The following USP32 variants were observed in gnomAD, a reference collection of about 807,000 sequenced individuals.
USP32 encodes the protein ubiquitin carboxyl-terminal hydrolase 32.
USP32 carries 59 observed loss-of-function variants against 204.8 expected under a neutral mutation model. The observed-to-expected ratio is 0.29, with a 90% CI of 0.23 to 0.36. The LOEUF is 0.36. USP32 is among the 10% of genes least tolerant of loss of function. The pLI, the probability that USP32 is intolerant of heterozygous loss-of-function variation, is 1.00. For synonymous variants in USP32, 517 were observed against 678.4 expected (o/e 0.76, Z 3.70); for missense variants, 1,160 against 1,946.4 (o/e 0.60, Z 7.60).
chr17:60,279,975 A>C (rs2086929934), intron 5 of USP32, among the ~76,000 whole-genome samples: 1 of 151,930 alleles, frequency 6.6e-6, no homozygotes, highest in African/African-American at 2.4e-5. Flanking sequence ...TTTGGGCTAA[A>C]GTTCTGATTC....
intron 26 of USP32, among the ~76,000 whole-genome samples, chr17:60,204,931 G>C (rs1420443776): frequency 6.6e-6 from 1 of 151,004 alleles, no homozygotes; most frequent in Non-Finnish European, 1.5e-5. Context: ...ACACCATCAT[G>C]GCTGCTTAGT....
chr17:60,208,283 A>G (rs2084880592), intron 23 of USP32, 73 bp from the exon 24 acceptor site: 2 of 1,408,922 alleles, frequency 1.4e-6, no homozygotes, highest in Admixed American at 5.4e-5. Flanking sequence ...GTGTACAGAT[A>G]TATCTGACCT....
intron 2 of USP32, among the ~76,000 whole-genome samples, chr17:60,331,174 TCC>T (rs2088373335): frequency 6.6e-6 from 1 of 152,222 alleles, no homozygotes; most frequent in Admixed American, 6.5e-5. Context: ...AGGCTCACTT[TCC>T]TAAATAGTGT....
intron 1 of USP32, among the ~76,000 whole-genome samples, chr17:60,378,997 A>C (rs1371515401): frequency 1.3e-5 from 2 of 152,190 alleles, no homozygotes; most frequent in African/African-American, 4.8e-5. Flanking sequence ...AGCTATGTAC[A>C]TACCTGAGTT....
chr17:60,360,650 G>A (rs1567874210), intron 1 of USP32, among the ~76,000 whole-genome samples: 2 of 151,930 alleles, frequency 1.3e-5, no homozygotes, highest in Non-Finnish European at 2.9e-5. Context: ...ACTCCAGCCT[G>A]GGCAACAGAG....
intron 9 of USP32, among the ~76,000 whole-genome samples, chr17:60,261,474 C>T (rs569784938): frequency 6.6e-6 from 1 of 151,848 alleles, no homozygotes; most frequent in South Asian, 2.1e-4. Flanking sequence ...TGGCAAAACC[C>T]GTCTCTACTA....
intron 9 of USP32, among the ~76,000 whole-genome samples, chr17:60,264,814 CCTGTCAGTGCACTCCAGGCTG>C (rs1319369631): frequency 1.4e-5 from 2 of 144,148 alleles, no homozygotes; most frequent in African/African-American, 5.4e-5. Flanking sequence ...GAGCTGAGAT[CCTGTCAGTGCACTCCAGGCTG>C]GGTGACAGAG....
At chr17:60,221,014 A>G (rs1489702063) in intron 15 of USP32, among the ~76,000 whole-genome samples, 2 of 151,826 alleles carry the variant, frequency 1.3e-5, no homozygotes, top group Admixed American at 1.3e-4. Context: ...ACCAGGCTTT[A>G]TTTTCCTTTA....
chr17:60,232,354 G>A (rs534346313), intron 12 of USP32, among the ~76,000 whole-genome samples: 3 of 150,840 alleles, frequency 2.0e-5, no homozygotes, highest in African/African-American at 7.3e-5. Flanking sequence ...TATATTTTTA[G>A]TAGAGTCGGG....
At chr17:60,411,701 T>G (rs1289900458) in intron 1 of USP32, among the ~76,000 whole-genome samples, 1 of 151,598 alleles carries the variant, frequency 6.6e-6, no homozygotes, top group Non-Finnish European at 1.5e-5. Context: ...TCTCTATGAA[T>G]TTGCCTATTT....
At chr17:60,275,251 G>A (rs1272584576) in intron 5 of USP32, among the ~76,000 whole-genome samples, 1 of 152,170 alleles carries the variant, frequency 6.6e-6, no homozygotes, top group African/African-American at 2.4e-5. Flanking sequence ...GAGGTCAGGA[G>A]TACAAGACCA....
At chr17:60,242,600 AG>A (rs1208569707) in intron 11 of USP32, among the ~76,000 whole-genome samples, 2 of 152,006 alleles carry the variant, frequency 1.3e-5, no homozygotes, top group Non-Finnish European at 2.9e-5. Context: ...TAGTAGAGAT[AG>A]GGTTTCGCCA....
intron 1 of USP32, among the ~76,000 whole-genome samples, chr17:60,399,501 T>TA (rs545007969): frequency 3.0e-3 from 443 of 148,224 alleles, no homozygotes; most frequent in Non-Finnish European, 4.5e-3. Flanking sequence ...CAAAAAAATT[T>TA]AAAAAAAAAA....
chr17:60,263,378 A>C (rs772711891), intron 9 of USP32, among the ~76,000 whole-genome samples: 9 of 152,216 alleles, frequency 5.9e-5, no homozygotes, highest in Non-Finnish European at 1.0e-4. Context: ...GAATTAGATA[A>C]AACAGAGAAG....
chr17:60,353,821 A>G lies in USP32; in HGVS notation c.59-8213T>C, dbSNP rs183238007. ...ATGAAGAGATCAGAACTCACTGTCC[A>G]TGAAAGGAAAATAAAATTATGTAAT... On this transcript the variant is annotated intron_variant, in intron 1 of 33. Transcript: ENST00000300896. Among the ~76,000 whole-genome samples, 68 of 152,364 alleles carry G rather than the reference A, an allele frequency of 4.5e-4. No individual in the cohort carries two copies. The East Asian group carries it at 0.013, about 29-fold the overall frequency.
Position 60,345,477 on chromosome 17 carries a change from T to C in USP32, c.186+4A>G, listed in dbSNP as rs1168736868. The C allele has an allele frequency of 8.1e-6, 13 of 1,613,180 alleles. No individual in the cohort carries two copies. The highest frequency in any genetic ancestry group is 1.1e-5 in the Non-Finnish European group (13 of 1,179,696). On this transcript the variant is annotated splice_donor_region_variant and intron_variant, in intron 2 of 33. Transcript: ENST00000300896. ...CAAAGGAAAACTTAGAACAAAAAGA[T>C]TACCTCAGCAACCTTTGGAGGCACT...
rs1474977605 is a variant in USP32, at chr17:60,392,121, A to T, written c.-182T>A. 1.9e-6 allele frequency: 1 copy of T among 536,012 alleles called. No individual in the cohort carries two copies. Among genetic ancestry groups the T allele is most frequent in the Non-Finnish European group, 3.1e-6 (1 of 322,192 alleles). The allele number at this position is 536,012 out of a possible 1,614,324, so 33.2% of individuals were successfully genotyped here. ...CCTCCCGGTCGCCGCCACCGCCTCCATGCCGGATCACGTGACTCTTCCGCC... is the reference window on the plus strand; with the variant it reads ...CCTCCCGGTCGCCGCCACCGCCTCCTTGCCGGATCACGTGACTCTTCCGCC... On this transcript the variant is annotated 5_prime_UTR_variant, in exon 1 of 34. It removes an upstream start codon present in the reference 5' UTR. Coordinates refer to ENST00000300896, the MANE Select transcript of USP32 (RefSeq NM_032582.4).
intron 1 of USP32, among the ~76,000 whole-genome samples, chr17:60,349,605 A>ATATATATATATATATAT (rs2088884458): frequency 1.1e-4 from 8 of 71,888 alleles, no homozygotes; most frequent in East Asian, 3.5e-4. Flanking sequence ...AAATATATAT[A>ATATATATATATATATAT]TATATATATA....
chr17:60,390,320 T>C (rs533787430), intron 1 of USP32, among the ~76,000 whole-genome samples: 1 of 152,340 alleles, frequency 6.6e-6, no homozygotes, highest in South Asian at 2.1e-4. Context: ...CTTCTGAACC[T>C]TGAAGCTGTA....
Sources: allele counts gnomAD v4.1 joint callset (sites outside exome capture counted in the v4.1 genomes callset), GRCh38; gene constraint gnomAD v4.1.1; transcripts MANE v1.5; gene names NCBI Gene and HGNC (gene_info 2026-07-23, HGNC 2026-07-21).